The following AMMECR1 variants were observed in gnomAD, a reference collection of about 807,000 sequenced individuals.
AMMECR1 encodes the protein nuclear protein AMMECR1.
In AMMECR1, 3 loss-of-function variants were observed where a neutral mutation model predicts 22.5. The ratio of observed to expected loss-of-function variants is 0.13; its 90% confidence interval spans 0.06 to 0.35. The LOEUF (loss-of-function observed/expected upper bound fraction) is 0.35, where lower values mean the gene tolerates loss of function less well. Among genes scored for constraint, AMMECR1 ranks in the 10% least tolerant of loss-of-function variants. AMMECR1 has a pLI of 1.00. For synonymous variants in AMMECR1, 130 were observed against 116.7 expected (o/e 1.11, Z -0.74); for missense variants, 235 against 278.7 (o/e 0.84, Z 1.12).
In AMMECR1 at chrX:110,317,923, C is replaced by T; in HGVS notation, c.149G>A (p.Gly50Asp). 2 of 1,197,204 alleles carry T rather than the reference C, an allele frequency of 1.7e-6. No homozygotes were observed. Among genetic ancestry groups the T allele is most frequent in the South Asian group, 3.7e-5 (2 of 54,685 alleles). ...ACCTCCCAGCCCGTTGAGCCGCGTA[C>T]CGGCGCCTCCTAGTCCCAGCTCCCC... ...RAGELGLGGA[G>D]TRLNGLGGLT... is the part of the protein sequence containing the mutation. The change falls in exon 1 of 6, where the codon GGT (glycine) becomes GAT (aspartate). Residue 50 changes from glycine to aspartate, a missense_variant. Around this residue, in one of 2 missense-constraint regions of AMMECR1, gnomAD observed 124 missense variants for 97.0 expected, o/e 1.28. Coordinates refer to ENST00000262844, the MANE Select transcript of AMMECR1 (RefSeq NM_015365.3).
chrX:110,240,080 C>A (rs2067622842), intron 2 of AMMECR1, among the ~76,000 whole-genome samples: 1 of 111,098 alleles, frequency 9.0e-6, no homozygotes, highest in African/African-American at 3.3e-5. Flanking sequence ...AAAGGAAAAA[C>A]CGGTACCAGC....
At chrX:110,387,556 G>T (rs1475830625) in intron 2 of AMMECR1, among the ~76,000 whole-genome samples, 3 of 111,597 alleles carry the variant, frequency 2.7e-5, no homozygotes, top group Non-Finnish European at 5.6e-5. Context: ...TCTTAAGAGT[G>T]CATCTGTTTC....
chrX:110,433,269 AGCCCGTATCC>A (rs1349390197), intron 1 of AMMECR1, among the ~76,000 whole-genome samples: 7 of 112,582 alleles, frequency 6.2e-5, no homozygotes, highest in African/African-American at 2.3e-4. Flanking sequence ...GGTAGTGCAT[AGCCCGTATCC>A]TCAAAGAAGT....
chrX:110,259,721 A>G (rs1426784384), intron 2 of AMMECR1, among the ~76,000 whole-genome samples: 3 of 108,061 alleles, frequency 2.8e-5, no homozygotes, highest in Admixed American at 1.0e-4. Context: ...CCTCCCGAGT[A>G]GCTGGGACTA....
intron 1 of AMMECR1, among the ~76,000 whole-genome samples, chrX:110,291,315 G>A (rs2067907242): frequency 9.0e-6 from 1 of 110,904 alleles, no homozygotes; most frequent in South Asian, 3.9e-4. Context: ...TTGGGGTCAG[G>A]AGTTCAAGAC....
At chrX:110,403,192 A>AC (rs2068576456) in intron 2 of AMMECR1, among the ~76,000 whole-genome samples, 1 of 111,115 alleles carries the variant, frequency 9.0e-6, no homozygotes, top group Non-Finnish European at 1.9e-5. Context: ...GAGATGTGAC[A>AC]CCCCCCAGCC....
At chrX:110,378,008 C>CAAAAAAAAAAAA (rs755483656) in intron 2 of AMMECR1, among the ~76,000 whole-genome samples, 18 of 30,942 alleles carry the variant, frequency 5.8e-4, no homozygotes, top group African/African-American at 2.2e-3. Flanking sequence ...GACTCCGTCT[C>CAAAAAAAAAAAA]AAAAAAAAAA....
At chrX:110,244,507 A>C (rs1352458971) in intron 2 of AMMECR1, among the ~76,000 whole-genome samples, 4 of 112,084 alleles carry the variant, frequency 3.6e-5, no homozygotes, top group Non-Finnish European at 5.6e-5. Flanking sequence ...CTTACATGTC[A>C]GCTAGTCAGT....
At chrX:110,272,635 AGG>A (rs1253416257) in intron 1 of AMMECR1, among the ~76,000 whole-genome samples, 4 of 111,787 alleles carry the variant, frequency 3.6e-5, no homozygotes, top group Middle Eastern at 4.2e-3. Context: ...TGAACTGGAT[AGG>A]TAATTTTTCA....
At chrX:110,303,490 G>A (rs1422917324) in intron 1 of AMMECR1, among the ~76,000 whole-genome samples, 1 of 111,783 alleles carries the variant, frequency 8.9e-6, no homozygotes, top group Non-Finnish European at 1.9e-5. Context: ...AAAGATTTAC[G>A]GATATTAAAA....
At chrX:110,367,755 T>C (rs1413311987) in intron 2 of AMMECR1, among the ~76,000 whole-genome samples, 3 of 110,628 alleles carry the variant, frequency 2.7e-5, no homozygotes, top group Non-Finnish European at 5.7e-5. Flanking sequence ...CTTGACTCCC[T>C]TTTTCTCTCA....
At chrX:110,254,612 G>A (rs772639893) in intron 2 of AMMECR1, among the ~76,000 whole-genome samples, 1 of 109,724 alleles carries the variant, frequency 9.1e-6, no homozygotes, top group Non-Finnish European at 1.9e-5. Context: ...AACCTGGGTT[G>A]TACCTTATTT....
intron 1 of AMMECR1, among the ~76,000 whole-genome samples, chrX:110,438,316 G>A (rs1046257175): frequency 3.6e-5 from 4 of 111,835 alleles, no homozygotes; most frequent in African/African-American, 1.3e-4. Flanking sequence ...AGCGGATGGA[G>A]AGATTGGAAA....
At chrX:110,335,161 T>A (rs906040239) in intron 2 of AMMECR1, among the ~76,000 whole-genome samples, 4 of 111,461 alleles carry the variant, frequency 3.6e-5, no homozygotes, top group African/African-American at 1.3e-4. Context: ...TTGGGAAGAT[T>A]CAATCATATA....
intron 1 of AMMECR1, among the ~76,000 whole-genome samples, chrX:110,296,556 A>G (rs1040906152): frequency 3.6e-5 from 4 of 111,628 alleles, no homozygotes; most frequent in African/African-American, 9.8e-5. Flanking sequence ...AGGCTTTGCT[A>G]CCTTTTTTCT....
intron 2 of AMMECR1, among the ~76,000 whole-genome samples, chrX:110,335,032 G>T (rs2068135684): frequency 8.9e-6 from 1 of 111,965 alleles, no homozygotes; most frequent in African/African-American, 3.3e-5. Flanking sequence ...CAACTCTAGG[G>T]AACACTTGGC....
chrX:110,435,749 A>G (rs1200158907), intron 1 of AMMECR1, among the ~76,000 whole-genome samples: 1 of 112,106 alleles, frequency 8.9e-6, no homozygotes, highest in African/African-American at 3.2e-5. Context: ...TGAACATTTT[A>G]CACTCATCAT....
chrX:110,347,155 G>A (rs1189758834), intron 2 of AMMECR1, among the ~76,000 whole-genome samples: 1 of 113,003 alleles, frequency 8.8e-6, no homozygotes, highest in East Asian at 2.8e-4. Context: ...TAAATTTTCA[G>A]ACATTTTGAC....
chrX:110,351,953 A>T (rs1044159871), intron 2 of AMMECR1, among the ~76,000 whole-genome samples: 1 of 112,384 alleles, frequency 8.9e-6, no homozygotes, highest in Non-Finnish European at 1.9e-5. Context: ...AAGATACACA[A>T]ATGGCCAATT....
Sources: allele counts gnomAD v4.1 joint callset (sites outside exome capture counted in the v4.1 genomes callset), GRCh38; gene constraint gnomAD v4.1.1; regional missense constraint gnomAD v4.1.1; transcripts MANE v1.5; gene names NCBI Gene and HGNC (gene_info 2026-07-23, HGNC 2026-07-21).